FAM120B: variants seen among roughly 807,000 people sequenced by gnomAD.
FAM120B encodes constitutive coactivator of peroxisome proliferator-activated receptor gamma.
Under a neutral mutation model 96.3 loss-of-function variants are expected in FAM120B, and 83 were observed. The observed-to-expected ratio is 0.86, with a 90% CI of 0.72 to 1.03. The LOEUF is 1.03. Ranked by LOEUF, FAM120B falls within the 50% of genes least tolerant of loss-of-function variation. The pLI is 0.00. For missense variants in FAM120B, 1,027 were observed against 1,121.2 expected (o/e 0.92, Z 1.20); for synonymous variants, 407 against 402.7 (o/e 1.01, Z -0.13).
rs139288713 is a variant in FAM120B, at chr6:170,309,295, AT to A, written c.-22+2459del. On this transcript the variant is annotated intron_variant, in intron 1 of 10. Coordinates refer to ENST00000476287, the MANE Select transcript of FAM120B (RefSeq NM_032448.3). The stretch of plus-strand genomic sequence containing the variant: ...ATGCAAAGATAGGTATTTCTAAGGA[AT>A]TTTTTAGTAGTAGTTTTAAATTTCC... 8.8e-3 allele frequency among the ~76,000 whole-genome samples: 1,339 copies of A among 152,320 alleles called. 65 individuals are homozygous for A. The East Asian group carries it at 0.11, about 12-fold the overall frequency.
chr6:170,405,491 T>C lies in FAM120B; in HGVS notation c.*740T>C, dbSNP rs1778773991. Reference sequence around the variant, plus strand: ...GGAGGCACAAGGTTTCATCACACTATTCACAATGGCGAGCAAGTTAAAACG... The same window carrying C: ...GGAGGCACAAGGTTTCATCACACTACTCACAATGGCGAGCAAGTTAAAACG... On this transcript the variant is annotated 3_prime_UTR_variant, in exon 11 of 11. Transcript: ENST00000476287. 6.6e-6 allele frequency: 1 copy of C among 152,230 alleles called. No individual in the cohort carries two copies. The highest frequency in any genetic ancestry group is 2.4e-5 in the African/African-American group (1 of 41,442). The allele number at this position is 152,230 out of a possible 1,614,324, so 9.4% of individuals were successfully genotyped here.
chr6:170,316,864 G>C (rs189834159), intron 1 of FAM120B, among the ~76,000 whole-genome samples: 75 of 152,256 alleles, frequency 4.9e-4, no homozygotes, highest in African/African-American at 1.8e-3. Flanking sequence ...TCTGTTTTCT[G>C]TCACTACGGA....
Position 170,318,575 on chromosome 6 carries a change from T to A in FAM120B, c.1185T>A (p.Pro395=). ...AAGAAGTTCCCACGTGTACAGGCCC[T>A]GAATCCAGGCGAGAAGTTCCCATGT... ...PRQEVPTCTG[P]ESRREVPMCS... The change falls in exon 2 of 11, where the codon CCT becomes CCA. Residue 395 remains proline, a synonymous_variant. Coordinates refer to ENST00000476287, the MANE Select transcript of FAM120B (RefSeq NM_032448.3). The A allele has an allele frequency of 3.4e-6, 5 of 1,478,856 alleles. No individual in the cohort carries two copies. The highest frequency in any genetic ancestry group is 3.6e-6 in the Non-Finnish European group (4 of 1,099,360). The allele number at this position is 1,478,856 out of a possible 1,614,324, so 91.6% of individuals were successfully genotyped here. A position where few individuals can be genotyped will look rare whatever the true frequency, so the allele number is the denominator to read the frequency against.
At chr6:170,378,520 C>T (rs576985022) in intron 6 of FAM120B, among the ~76,000 whole-genome samples, 5 of 152,330 alleles carry the variant, frequency 3.3e-5, no homozygotes, top group African/African-American at 9.6e-5. Flanking sequence ...ATACGTTGAG[C>T]GCCTATTCTA....
chr6:170,310,716 ATGGGACTTT>A, intron 1 of FAM120B, among the ~76,000 whole-genome samples: 3 of 152,342 alleles, frequency 2.0e-5, no homozygotes, highest in Admixed American at 2.0e-4. Flanking sequence ...AGGGGCTGCC[ATGGGACTTT>A]TGGAGTAGAC....
At chr6:170,358,351 G>C in intron 6 of FAM120B, 33 bp downstream of exon 6, 1 of 1,438,810 alleles carries the variant, frequency 7.0e-7, no homozygotes. Flanking sequence ...GTCACTGCCC[G>C]GAAGACAGCT....
chr6:170,358,082 G>A (rs944308514), intron 5 of FAM120B, 144 bp from the exon 6 acceptor site: 4 of 653,362 alleles, frequency 6.1e-6, no homozygotes, highest in Admixed American at 2.4e-5. Context: ...GTGCACATGT[G>A]GGTGCCTGTG....
chr6:170,398,350 T>A (rs1778318621), intron 9 of FAM120B, among the ~76,000 whole-genome samples: 1 of 152,236 alleles, frequency 6.6e-6, no homozygotes, highest in African/African-American at 2.4e-5. Flanking sequence ...CTCTTAGGAG[T>A]GAGTGGGAAA....
intron 4 of FAM120B, among the ~76,000 whole-genome samples, chr6:170,344,009 C>T (rs1428647878): frequency 6.7e-6 from 1 of 149,648 alleles, no homozygotes; most frequent in Admixed American, 6.6e-5. Flanking sequence ...ATCGTTCAGT[C>T]CATTCACCTG....
chr6:170,297,694 G>A (rs1562503907), intron 1 of FAM120B, among the ~76,000 whole-genome samples: 1 of 152,154 alleles, frequency 6.6e-6, no homozygotes, highest in African/African-American at 2.4e-5. Flanking sequence ...GCCCGTGCTG[G>A]GGAGCTGTTG....
chr6:170,345,414 G>A (rs999654350), intron 4 of FAM120B, among the ~76,000 whole-genome samples: 3 of 152,116 alleles, frequency 2.0e-5, no homozygotes, highest in African/African-American at 7.2e-5. Context: ...GACCAGCCTG[G>A]GCAACATAGC....
chr6:170,322,990 G>C, intron 2 of FAM120B, 89 bp from the exon 3 acceptor site: 1 of 1,091,620 alleles, frequency 9.2e-7, no homozygotes. Context: ...TAAAAAACTG[G>C]CATATGATGA....
At position 170,385,447 on chromosome 6, in the gene FAM120B, AG is replaced by A. The variant is rs761931667; in HGVS notation, c.2284-2838del. Among the ~76,000 whole-genome samples the A allele has an allele frequency of 1.8e-4, 28 of 152,338 alleles. No individual in the cohort carries two copies. In the East Asian group the frequency reaches 5.2e-3, roughly 28 times the overall value. On this transcript the variant is annotated intron_variant, in intron 6 of 10. Transcript: ENST00000476287. ...AAAAATCAAACTCAGGGAGTGTGGT[AG>A]GTAGGAAGGAAATAGTAAAAGCAGG...
intron 8 of FAM120B, among the ~76,000 whole-genome samples, chr6:170,394,910 AC>A (rs1790649136): frequency 6.6e-6 from 1 of 152,250 alleles, no homozygotes; most frequent in South Asian, 2.1e-4. Context: ...GCAGGGCTGG[AC>A]GGCCTGGGCC....
chr6:170,387,615 G>T (rs1790260016), intron 6 of FAM120B, among the ~76,000 whole-genome samples: 1 of 152,158 alleles, frequency 6.6e-6, no homozygotes, highest in African/African-American at 2.4e-5. Flanking sequence ...GGACATCAAG[G>T]TAAATTTGAC....
At chr6:170,394,485 A>G (rs899021145) in intron 8 of FAM120B, among the ~76,000 whole-genome samples, 2 of 149,372 alleles carry the variant, frequency 1.3e-5, no homozygotes, top group African/African-American at 2.5e-5. Context: ...CTCCGTGGAC[A>G]CCGCAGCATG....
chr6:170,386,875 T>C (rs1197329322), intron 6 of FAM120B, among the ~76,000 whole-genome samples: 4 of 152,216 alleles, frequency 2.6e-5, no homozygotes, highest in African/African-American at 9.6e-5. Flanking sequence ...TCCAGCAATA[T>C]GTAAAACCAA....
intron 6 of FAM120B, among the ~76,000 whole-genome samples, chr6:170,387,106 G>C (rs779898511): frequency 2.6e-5 from 4 of 152,188 alleles, no homozygotes; most frequent in African/African-American, 9.7e-5. Context: ...CCCTGTGTAC[G>C]TGTGTAATGG....
intron 5 of FAM120B, among the ~76,000 whole-genome samples, 171 bp downstream of exon 5, chr6:170,348,494 C>CA (rs1294320779): frequency 6.6e-6 from 1 of 152,110 alleles, no homozygotes; most frequent in African/African-American, 2.4e-5. Flanking sequence ...GATTGTATGG[C>CA]AAAATACGTA....
Sources: allele counts gnomAD v4.1 joint callset (sites outside exome capture counted in the v4.1 genomes callset), GRCh38; gene constraint gnomAD v4.1.1; transcripts MANE v1.5; gene names NCBI Gene and HGNC (gene_info 2026-07-23, HGNC 2026-07-21).